Variants in ZNF229 observed in about 807,000 individuals in gnomAD.
The protein encoded by ZNF229 is zinc finger protein 229.
A neutral mutation model predicts 11.8 loss-of-function variants in ZNF229; 10 were observed. The observed-to-expected ratio is 0.85, with a 90% CI of 0.52 to 1.44. The LOEUF (loss-of-function observed/expected upper bound fraction) is 1.44, where lower values mean the gene tolerates loss of function less well. ZNF229 is among the 40% of genes most tolerant of loss of function. ZNF229 has a pLI of 0.00. For missense variants in ZNF229, 1,045 were observed against 1,015.1 expected (o/e 1.03, Z -0.40); for synonymous variants, 368 against 374.8 (o/e 0.98, Z 0.21).
chr19:44,432,428 G>A, intron 4 of ZNF229, 62 bp from the exon 5 acceptor site: 2 of 1,586,390 alleles, frequency 1.3e-6, no homozygotes, highest in Non-Finnish European at 1.7e-6. Context: ...TGTCCACAGA[G>A]CAGGTTTATA....
intron 2 of ZNF229, among the ~76,000 whole-genome samples, chr19:44,446,671 A>G (rs1972008103): frequency 1.3e-5 from 2 of 152,238 alleles, no homozygotes; most frequent in South Asian, 4.1e-4. Flanking sequence ...GTCTAACAAC[A>G]TCTTAGGAGA....
chr19:44,442,848 G>T lies in ZNF229; in HGVS notation c.-1C>A. The T allele has an allele frequency of 6.3e-7, 1 of 1,591,756 alleles. No individual in the cohort carries two copies. Among genetic ancestry groups the T allele is most frequent in the Non-Finnish European group, 8.5e-7 (1 of 1,172,772 alleles). ...CATGCCTTGAGGTCAAAGTCTCCATGGTCTCTTCTGCTAGGTTCTCTGCGA... is the reference window on the plus strand; with the variant it reads ...CATGCCTTGAGGTCAAAGTCTCCATTGTCTCTTCTGCTAGGTTCTCTGCGA... On this transcript the variant is annotated 5_prime_UTR_variant, in exon 3 of 6. Transcript: ENST00000614049.
chr19:44,447,905 T>C (rs370375620), intron 1 of ZNF229, among the ~76,000 whole-genome samples: 67 of 152,274 alleles, frequency 4.4e-4, no homozygotes, highest in African/African-American at 1.6e-3. Context: ...TCACATGCTG[T>C]GGGACACTTA....
chr19:44,429,533 G>A lies in ZNF229; in HGVS notation c.1248C>T (p.Tyr416=), dbSNP rs200148050. 2.5e-6 allele frequency: 4 copies of A among 1,611,746 alleles called. No individual in the cohort carries two copies. Among genetic ancestry groups the A allele is most frequent in the Non-Finnish European group, 3.4e-6 (4 of 1,178,442 alleles). The change falls in exon 6 of 6, where the codon TAC becomes TAT. Residue 416 remains tyrosine, a synonymous_variant. Coordinates refer to ENST00000614049, the MANE Select transcript of ZNF229 (RefSeq NM_014518.4). ...TCTGATGGACTTGAAGCACTGAGCT[G>A]TAACTGAAGCCCTTCCCACACTCGC... ...KCSECGKGFS[Y]SSVLQVHQRL...
At chr19:44,434,570 A>T (rs781430062) in intron 4 of ZNF229, among the ~76,000 whole-genome samples, 2 of 151,734 alleles carry the variant, frequency 1.3e-5, no homozygotes, top group African/African-American at 2.4e-5. Context: ...CAATACAGTG[A>T]TCATCAAAAT....
In ZNF229 at chr19:44,428,720, A is replaced by T; in HGVS notation, c.2061T>A (p.Asp687Glu). The T allele has an allele frequency of 6.2e-7, 1 of 1,613,328 alleles. No homozygotes were observed. The highest frequency in any genetic ancestry group is 8.5e-7 in the Non-Finnish European group (1 of 1,179,804). ...VHTGKKPYTC[D>E]QCGKGFSYGS... ...CATAACTGAATCCCTTGCCACACTG[A>T]TCACACGTATAGGGCTTTTTTCCCG... The change falls in exon 6 of 6, where the codon GAT becomes GAA. Residue 687 changes from aspartate to glutamate, a missense_variant. Asp to Glu is a conservative substitution (Grantham distance 45). Transcript: ENST00000614049.
At position 44,442,838 on chromosome 19, in the gene ZNF229, A is replaced by T; in HGVS notation, c.10T>A (p.Leu4Met). 6.2e-7 allele frequency: 1 copy of T among 1,611,890 alleles called. No homozygotes were observed. The highest frequency in any genetic ancestry group is 8.5e-7 in the Non-Finnish European group (1 of 1,179,648). Reference protein sequence around the residue: METLTSRHEKRALH... With the variant: METMTSRHEKRALH... ...CCTCTTTTCTCATGCCTTGAGGTCA[A>T]AGTCTCCATGGTCTCTTCTGCTAGG... The change falls in exon 3 of 6, where the codon TTG (leucine) becomes ATG (methionine). Residue 4 changes from leucine (L) to methionine (M), a missense_variant. By Grantham distance (15) the Leu-to-Met change is conservative (BLOSUM62 2). Transcript: ENST00000614049.
At position 44,428,085 on chromosome 19, in the gene ZNF229, C is replaced by T. The variant is rs1047513509; in HGVS notation, c.*218G>A. 39 of 525,422 alleles carry T rather than the reference C, an allele frequency of 7.4e-5. No homozygotes were observed. Among genetic ancestry groups the T allele is most frequent in the African/African-American group, 3.8e-5 (2 of 52,804 alleles). 32.5% of individuals were successfully genotyped at this position (525,422 alleles called of 1,614,324 possible). On this transcript the variant is annotated 3_prime_UTR_variant, in exon 6 of 6. Transcript: ENST00000614049. ...TGCACTGTTTCTTTAAAGCCTACTCCGCTGCACAACAGACTCTTAAAGACT... is the reference window on the plus strand; with the variant it reads ...TGCACTGTTTCTTTAAAGCCTACTCTGCTGCACAACAGACTCTTAAAGACT...
chr19:44,439,266 C>A (rs1971866775), intron 4 of ZNF229, among the ~76,000 whole-genome samples: 1 of 152,142 alleles, frequency 6.6e-6, no homozygotes, highest in African/African-American at 2.4e-5. Flanking sequence ...TTTTTCCACA[C>A]TAAGTATACC....
In ZNF229 at chr19:44,430,513, T is replaced by A; in HGVS notation, c.268A>T (p.Ile90Phe). The change falls in exon 6 of 6, where the codon ATT (isoleucine) becomes TTT (phenylalanine). Residue 90 changes from isoleucine (I) to phenylalanine (F), a missense_variant. Ile to Phe is a conservative substitution (Grantham distance 21). Coordinates refer to ENST00000614049, the MANE Select transcript of ZNF229 (RefSeq NM_014518.4). Reference protein sequence around the residue: ...GDKNGKDTEYIQDEELRFFSH... With the variant: ...GDKNGKDTEYFQDEELRFFSH... Reference sequence around the variant, plus strand: ...AAGAACCTTAATTCTTCATCTTGAATATACTCCGTATCCTTTCCATTCTTG... The same window carrying A: ...AAGAACCTTAATTCTTCATCTTGAAAATACTCCGTATCCTTTCCATTCTTG... The A allele has an allele frequency of 6.2e-7, 1 of 1,614,008 alleles. No individual in the cohort carries two copies. Among genetic ancestry groups the A allele is most frequent in the Non-Finnish European group, 8.5e-7 (1 of 1,179,984 alleles).
rs148602499 is a variant in ZNF229 at position 44,432,171 on chromosome 19, A to C, written c.238+51T>G. 2,401 of 1,556,716 alleles carry C rather than the reference A, an allele frequency of 1.5e-3. 38 individuals carry two copies. In the African/African-American group the frequency reaches 0.028, roughly 18 times the overall value. On this transcript the variant is annotated intron_variant, in intron 5 of 5. Transcript: ENST00000614049. ...TTTAACCTGTGTAAAAAAGCCAAAA[A>C]TATCTTCTCTCCAGGAACAAGAACA... is the stretch of plus-strand genomic sequence containing the variant.
Position 44,435,859 on chromosome 19 carries a change from G to C in ZNF229, c.94-3493C>G, listed in dbSNP as rs141766434. Among the ~76,000 whole-genome samples the C allele has an allele frequency of 2.9e-3, 449 of 152,346 alleles. 3 individuals carry two copies. Among genetic ancestry groups the C allele is most frequent in the African/African-American group, 9.9e-3 (410 of 41,568 alleles). ...TTAAGTGGTAAGAAGCACGGCACAT[G>C]TATCTTAGCCTCAGGCAATGCCGCT... is the stretch of plus-strand genomic sequence containing the variant. On this transcript the variant is annotated intron_variant, in intron 4 of 5. Transcript: ENST00000614049.
chr19:44,430,389 A>G lies in ZNF229; in HGVS notation c.392T>C (p.Phe131Ser), dbSNP rs1245111383. 1 of 1,613,996 alleles carries G rather than the reference A, an allele frequency of 6.2e-7. No individual in the cohort carries two copies. Among genetic ancestry groups the G allele is most frequent in the African/African-American group, 1.3e-5 (1 of 74,854 alleles). ...DCRVNLQGKD[F>S]QFSEDAAPHQ... ...GGGAGCAGCATCTTCTGAGAACTGGAAGTCTTTTCCTTGCAGATTTACTCT... is the reference window on the plus strand; with the variant it reads ...GGGAGCAGCATCTTCTGAGAACTGGGAGTCTTTTCCTTGCAGATTTACTCT... The change falls in exon 6 of 6, where the codon TTC (phenylalanine) becomes TCC (serine). Residue 131 changes from phenylalanine (F) to serine (S), a missense_variant. Phe to Ser is a radical substitution (Grantham distance 155). Coordinates refer to ENST00000614049, the MANE Select transcript of ZNF229 (RefSeq NM_014518.4).
chr19:44,432,166 C>T, intron 5 of ZNF229, 56 bp downstream of exon 5: 3 of 1,550,508 alleles, frequency 1.9e-6, no homozygotes, highest in South Asian at 1.2e-5. Flanking sequence ...GTAAAAAAGC[C>T]AAAAATATCT....
At chr19:44,446,043 T>C (rs1274994022) in intron 2 of ZNF229, among the ~76,000 whole-genome samples, 1 of 152,204 alleles carries the variant, frequency 6.6e-6, no homozygotes, top group African/African-American at 2.4e-5. Flanking sequence ...CCATAATGAA[T>C]ATCTACTGTG....
In ZNF229 at chr19:44,429,976, C is replaced by T. The variant is rs553024331; in HGVS notation, c.805G>A (p.Glu269Lys). ...NPGENGLKSN[E>K]YRNGFRDDAD... ...TCGTCCCTGAAGCCATTTCTGTATTCGTTACTTTTCAAGCCATTCTCTCCA... is the reference window on the plus strand; with the variant it reads ...TCGTCCCTGAAGCCATTTCTGTATTTGTTACTTTTCAAGCCATTCTCTCCA... Residue 269 changes from glutamate (E) to lysine (K), a missense_variant, in exon 6 of 6, where the codon GAA (glutamate) becomes AAA (lysine). Coordinates refer to ENST00000614049, the MANE Select transcript of ZNF229 (RefSeq NM_014518.4). 4.5e-5 allele frequency: 72 copies of T among 1,613,796 alleles called. No individual in the cohort carries two copies. In the Middle Eastern group the frequency reaches 4.9e-4, roughly 11 times the overall value.
At chr19:44,445,454 C>T (rs1202899164) in intron 2 of ZNF229, among the ~76,000 whole-genome samples, 1 of 152,184 alleles carries the variant, frequency 6.6e-6, no homozygotes, top group Non-Finnish European at 1.5e-5. Flanking sequence ...CTTATCCTCC[C>T]TCTTTCTCAT....
At chr19:44,446,582 A>G (rs1041360360) in intron 2 of ZNF229, among the ~76,000 whole-genome samples, 1 of 152,232 alleles carries the variant, frequency 6.6e-6, no homozygotes, top group Non-Finnish European at 1.5e-5. Flanking sequence ...AAAATCATCA[A>G]TATACTATTA....
chr19:44,434,016 G>T (rs908283591), intron 4 of ZNF229, among the ~76,000 whole-genome samples: 5 of 152,140 alleles, frequency 3.3e-5, no homozygotes, highest in African/African-American at 4.8e-5. Context: ...ATCTGCCTGG[G>T]TATTTCTTTG....
Sources: gnomAD v4.1 joint callset for allele counts (sites outside exome capture counted in the v4.1 genomes callset) on GRCh38, gnomAD v4.1.1 for gene constraint, MANE v1.5 for transcripts, NCBI Gene and HGNC (gene_info 2026-07-23, HGNC 2026-07-21) for gene names.